CTRB2: variants seen among roughly 807,000 people sequenced by gnomAD.
CTRB2 encodes chymotrypsin B2.
A neutral mutation model predicts 19.3 loss-of-function variants in CTRB2; 9 were observed. That is an observed-to-expected ratio of 0.47 (90% CI 0.28 to 0.81). CTRB2 has a LOEUF of 0.81. Ranked by LOEUF, CTRB2 falls within the 40% of genes least tolerant of loss-of-function variation. CTRB2 has a pLI of 0.11. For missense variants in CTRB2, 210 were observed against 269.7 expected (o/e 0.78, Z 1.55); for synonymous variants, 98 against 117.3 (o/e 0.84, Z 1.06).
chr16:75,204,337 G>C lies in CTRB2; in HGVS notation c.631-15C>G, dbSNP rs375207313. The C allele has an allele frequency of 4.1e-5, 66 of 1,613,282 alleles. No individual in the cohort carries two copies. The African/African-American group carries it at 8.0e-4, about 20-fold the overall frequency. On this transcript the variant is annotated splice_polypyrimidine_tract_variant and intron_variant, in intron 6 of 6. Transcript: ENST00000303037. ...CCAGAGTCACCCTGCAGGAAGGAGA[G>C]GAAGTATCTCTAGGCCTGAAAGGGG...
At chr16:75,206,976 C>G (rs1178109354) in intron 1 of CTRB2, 114 bp downstream of exon 1, 2 of 1,032,548 alleles carry the variant, frequency 1.9e-6, no homozygotes, top group Non-Finnish European at 1.5e-6. Flanking sequence ...TCGCCCAGGC[C>G]CACACTGCGG....
chr16:75,207,012 C>T, intron 1 of CTRB2, 78 bp downstream of exon 1: 3 of 1,359,042 alleles, frequency 2.2e-6, no homozygotes, highest in Non-Finnish European at 3.1e-6. Context: ...GGAGCTGGGA[C>T]CCTGCTGCCT....
In CTRB2 at chr16:75,206,208, G is replaced by A. The variant is rs1471961025; in HGVS notation, c.53-15C>T. 6.4e-7 allele frequency: 1 copy of A among 1,553,910 alleles called. No homozygotes were observed. Among genetic ancestry groups the A allele is most frequent in the South Asian group, 1.2e-5 (1 of 84,814 alleles). ...GACCCCGCAGCCTGGGGGCGGGAGTGGGCTGAGGGGTGGGTACCACCCACC... is the reference window on the plus strand; with the variant it reads ...GACCCCGCAGCCTGGGGGCGGGAGTAGGCTGAGGGGTGGGTACCACCCACC... On this transcript the variant is annotated splice_polypyrimidine_tract_variant and intron_variant, in intron 1 of 6. Transcript: ENST00000303037.
Position 75,204,251 on chromosome 16 carries a change from G to C in CTRB2, c.702C>G (p.Gly234=). Residue 234 remains glycine, a synonymous_variant, in exon 7 of 7, where the codon GGC becomes GGG. Coordinates refer to ENST00000303037, the MANE Select transcript of CTRB2 (RefSeq NM_001025200.4). ...GCGTGGTGGTAGAGCAGGTGCGGCT[G>C]CCCCAGGACACAATGCCCACCAGGG... The part of the protein sequence containing the change: ...AWTLVGIVSW[G]SRTCSTTTPA... 1 of 1,614,124 alleles carries C rather than the reference G, an allele frequency of 6.2e-7. No individual in the cohort carries two copies. The highest frequency in any genetic ancestry group is 8.5e-7 in the Non-Finnish European group (1 of 1,180,000).
At chr16:75,204,668 C>T (rs1181330445) in intron 6 of CTRB2, 105 bp downstream of exon 6, 14 of 1,546,786 alleles carry the variant, frequency 9.1e-6, no homozygotes, top group Non-Finnish European at 1.1e-5. Flanking sequence ...TCACTGGGCC[C>T]CAGGAGGGTG....
At position 75,206,476 on chromosome 16, in the gene CTRB2, C is replaced by T. The variant is rs115274440; in HGVS notation, c.53-283G>A. On this transcript the variant is annotated intron_variant, in intron 1 of 6. Transcript: ENST00000303037. ...AGCGTGCGGTGGGCGGCAGCCCCGG[C>T]GCTCAGTCTGGGAGGCCAGACTCTG... 2,914 of 511,874 alleles carry T rather than the reference C, an allele frequency of 5.7e-3. 59 individuals carry two copies. The highest frequency in any genetic ancestry group is 0.05 in the African/African-American group (2,592 of 52,268). 31.7% of individuals were successfully genotyped at this position (511,874 alleles called of 1,614,324 possible). A position where few individuals can be genotyped will look rare whatever the true frequency, so the allele number is the denominator to read the frequency against.
At chr16:75,206,600 G>C in intron 1 of CTRB2, 1 of 313,224 alleles carries the variant, frequency 3.2e-6, no homozygotes, top group Non-Finnish European at 6.0e-6. Flanking sequence ...AGGTTTGGTA[G>C]AGTGAGCAGG....
Position 75,206,184 on chromosome 16 carries a change from A to G in CTRB2, c.62T>C (p.Val21Ala), listed in dbSNP as rs2038888885. ...GCTGAGCACAGGGTGGATGGCGGGG[A>G]CCCCGCAGCCTGGGGGCGGGAGTGG... ...ALLGTTFGCGVPAIHPVLSGL... is the reference protein window; with the variant it reads ...ALLGTTFGCGAPAIHPVLSGL... The change falls in exon 2 of 7, where the codon GTC becomes GCC. Residue 21 changes from valine to alanine, a missense_variant. This residue lies in a region of CTRB2 where 57 missense variants were observed against 72.6 expected (regional missense o/e 0.79). Transcript: ENST00000303037. The G allele has an allele frequency of 6.4e-7, 1 of 1,555,864 alleles. No individual in the cohort carries two copies. Among genetic ancestry groups the G allele is most frequent in the African/African-American group, 1.4e-5 (1 of 73,292 alleles).
At position 75,204,173 on chromosome 16, in the gene CTRB2, C is replaced by T. The variant is rs1293285508; in HGVS notation, c.780G>A (p.Leu260=). Residue 260 remains leucine (L), a synonymous_variant, in exon 7 of 7, where the codon CTG becomes CTA. Coordinates refer to ENST00000303037, the MANE Select transcript of CTRB2 (RefSeq NM_001025200.4). ...AKLIPWVQKI[L]AAN ...AGGAGCTGCGGGCTCAGTTGGCGGCCAGGATCTTCTGCACCCAGGGTATGA... is the reference window on the plus strand; with the variant it reads ...AGGAGCTGCGGGCTCAGTTGGCGGCTAGGATCTTCTGCACCCAGGGTATGA... The T allele has an allele frequency of 2.5e-6, 4 of 1,614,116 alleles. No homozygotes were observed. The East Asian group carries it at 6.7e-5, about 27-fold the overall frequency.
chr16:75,204,338 G>A lies in CTRB2; in HGVS notation c.631-16C>T, dbSNP rs896968146. The A allele has an allele frequency of 2.5e-6, 4 of 1,613,248 alleles. No homozygotes were observed. The highest frequency in any genetic ancestry group is 2.2e-5 in the East Asian group (1 of 44,868). On this transcript the variant is annotated splice_polypyrimidine_tract_variant and intron_variant, in intron 6 of 6. Transcript: ENST00000303037. ...CAGAGTCACCCTGCAGGAAGGAGAG[G>A]AAGTATCTCTAGGCCTGAAAGGGGT...
chr16:75,204,390 G>A, intron 6 of CTRB2, 68 bp from the exon 7 acceptor site: 4 of 1,480,804 alleles, frequency 2.7e-6, no homozygotes, highest in Non-Finnish European at 3.7e-6. Context: ...CCCTGACCTG[G>A]TGGAGTCTAG....
chr16:75,207,068 C>T, intron 1 of CTRB2, 22 bp downstream of exon 1: 2 of 1,551,066 alleles, frequency 1.3e-6, no homozygotes, highest in East Asian at 2.4e-5. Context: ...ACCCTTCGGC[C>T]TCCGCAGGGC....
At chr16:75,204,368 G>T (rs533062707) in intron 6 of CTRB2, 46 bp from the exon 7 acceptor site, 1 of 1,586,118 alleles carries the variant, frequency 6.3e-7, no homozygotes, top group African/African-American at 1.3e-5. Flanking sequence ...AGGGGTGCCA[G>T]GGCCTAGGGG....
Position 75,204,256 on chromosome 16 carries a change from A to T in CTRB2, c.697T>A (p.Trp233Arg). 3 of 1,614,122 alleles carry T rather than the reference A, an allele frequency of 1.9e-6. No individual in the cohort carries two copies. Among genetic ancestry groups the T allele is most frequent in the Non-Finnish European group, 2.5e-6 (3 of 1,179,992 alleles). ...GAWTLVGIVS[W>R]GSRTCSTTTP... ...GTGGTAGAGCAGGTGCGGCTGCCCC[A>T]GGACACAATGCCCACCAGGGTCCAG... The change falls in exon 7 of 7, where the codon TGG (tryptophan) becomes AGG (arginine). Residue 233 changes from tryptophan to arginine, a missense_variant. This residue lies in a region of CTRB2 where 120 missense variants were observed against 90.8 expected (regional missense o/e 1.32). Transcript: ENST00000303037.
rs1260858927 is a variant in CTRB2 at position 75,204,220 on chromosome 16, C to A, written c.733G>T (p.Val245Leu). ...ATGAGCTTGGCGACACGGGCGTACA[C>A]AGCGGGCGTGGTGGTAGAGCAGGTG... is the stretch of plus-strand genomic sequence containing the variant. ...SRTCSTTTPA[V>L]YARVAKLIPW... Residue 245 changes from valine to leucine, a missense_variant, in exon 7 of 7, where the codon GTG becomes TTG. Val to Leu is a conservative substitution (Grantham distance 32). This residue lies in a region of CTRB2 where 120 missense variants were observed against 90.8 expected (regional missense o/e 1.32). Transcript: ENST00000303037. 2 of 1,614,064 alleles carry A rather than the reference C, an allele frequency of 1.2e-6. No homozygotes were observed. The highest frequency in any genetic ancestry group is 1.7e-6 in the Non-Finnish European group (2 of 1,179,966).
intron 6 of CTRB2, 181 bp downstream of exon 6, chr16:75,204,592 G>T: frequency 1.6e-6 from 2 of 1,275,716 alleles, no homozygotes; most frequent in Non-Finnish European, 2.1e-6. Flanking sequence ...GAAGTCCCCA[G>T]GGGCAGCCTC....
Position 75,204,184 on chromosome 16 carries a change from GCA to G in CTRB2, c.767_768del (p.Val256AlafsTer18). The stretch of plus-strand genomic sequence containing the variant: ...GCTCAGTTGGCGGCCAGGATCTTCT[GCA>G]CCCAGGGTATGAGCTTGGCGACACG... The part of the protein sequence containing the change: ...YARVAKLIPW[V>X]QKILAAN On this transcript the variant is annotated frameshift_variant, in exon 7 of 7. Transcript: ENST00000303037. LOFTEE classifies it high-confidence loss of function. The G allele has an allele frequency of 6.2e-7, 1 of 1,614,112 alleles. No individual in the cohort carries two copies. The highest frequency in any genetic ancestry group is 8.5e-7 in the Non-Finnish European group (1 of 1,179,998).
At chr16:75,204,420 G>A in intron 6 of CTRB2, 98 bp from the exon 7 acceptor site, 1 of 1,216,662 alleles carries the variant, frequency 8.2e-7, no homozygotes, top group African/African-American at 1.5e-5. Context: ...CGGAGAAATG[G>A]TAAGCATGGG....
At chr16:75,204,611 G>T in intron 6 of CTRB2, 162 bp downstream of exon 6, 2 of 1,387,220 alleles carry the variant, frequency 1.4e-6, no homozygotes, top group Non-Finnish European at 2.0e-6. Context: ...TCAGCTGCAT[G>T]GCCTGGAGGA....
Sources: allele counts gnomAD v4.1 joint callset, GRCh38; gene constraint gnomAD v4.1.1; regional missense constraint gnomAD v4.1.1; transcripts MANE v1.5; gene names NCBI Gene and HGNC (gene_info 2026-07-23, HGNC 2026-07-21).